The following ZNF732 variants were observed in gnomAD, a reference collection of about 807,000 sequenced individuals.
ZNF732 encodes zinc finger protein 732.
A neutral mutation model predicts 11.5 loss-of-function variants in ZNF732; 12 were observed. The ratio of observed to expected loss-of-function variants is 1.05; its 90% confidence interval spans 0.67 to 1.70. ZNF732 has a LOEUF of 1.70. ZNF732 is among the 40% of genes most tolerant of loss of function. ZNF732 has a pLI of 0.00. For missense variants in ZNF732, 702 were observed against 676.9 expected (o/e 1.04, Z -0.41); for synonymous variants, 231 against 236.5 (o/e 0.98, Z 0.21).
At chr4:292,369 C>G (rs1358523849) in intron 3 of ZNF732, among the ~76,000 whole-genome samples, 1 of 151,914 alleles carries the variant, frequency 6.6e-6, no homozygotes, top group African/African-American at 2.4e-5. Flanking sequence ...ACCAGCCTGA[C>G]CAACATGAAG....
In ZNF732 at chr4:272,573, A is replaced by G. The variant is rs1553838017; in HGVS notation, c.284T>C (p.Phe95Ser). ...FLPVQGIEDS[F>S]HKLILRRYEK... ...ATATCTTCTTAATATAAGTTTGTGG[A>G]ACGAATCTTCTATCCCCTGCACTGG... Residue 95 changes from phenylalanine (F) to serine (S), a missense_variant, in exon 4 of 4, where the codon TTC becomes TCC. Phe to Ser is a radical substitution (Grantham distance 155). Transcript: ENST00000419098. 1.3e-6 allele frequency: 2 copies of G among 1,589,506 alleles called. No homozygotes were observed. Among genetic ancestry groups the G allele is most frequent in the African/African-American group, 1.4e-5 (1 of 73,696 alleles).
intron 1 of ZNF732, among the ~76,000 whole-genome samples, chr4:299,538 T>C (rs148920552): frequency 1.6e-5 from 2 of 123,454 alleles, no homozygotes; most frequent in Non-Finnish European, 3.3e-5. Context: ...TATATACATA[T>C]ATACACATAT....
At chr4:298,073 T>A (rs571505706) in intron 1 of ZNF732, among the ~76,000 whole-genome samples, 1 of 152,328 alleles carries the variant, frequency 6.6e-6, no homozygotes, top group South Asian at 2.1e-4. Flanking sequence ...CCAAATCCCT[T>A]ATGTTTCTCT....
chr4:275,524 A>C (rs947306981), intron 3 of ZNF732, among the ~76,000 whole-genome samples: 1 of 151,734 alleles, frequency 6.6e-6, no homozygotes, highest in Non-Finnish European at 1.5e-5. Context: ...GAATTAAAGC[A>C]ATCTGGGATA....
intron 3 of ZNF732, among the ~76,000 whole-genome samples, chr4:278,624 G>A (rs964185377): frequency 1.3e-5 from 2 of 152,128 alleles, no homozygotes; most frequent in East Asian, 3.8e-4. Flanking sequence ...ATAGACAATC[G>A]CAAACACAAT....
chr4:280,559 TG>T (rs1553839595), intron 3 of ZNF732, among the ~76,000 whole-genome samples: 1 of 152,106 alleles, frequency 6.6e-6, no homozygotes, highest in East Asian at 1.9e-4. Flanking sequence ...CACTCCAGCC[TG>T]GGCAACAAGA....
chr4:296,687 T>G (rs945864730), intron 1 of ZNF732, among the ~76,000 whole-genome samples: 1 of 152,290 alleles, frequency 6.6e-6, no homozygotes, highest in Admixed American at 6.5e-5. Flanking sequence ...TCGGCCTCAC[T>G]GTAACAAAAT....
At position 283,421 on chromosome 4, in the gene ZNF732, GA is replaced by G. The variant is rs1285861811; in HGVS notation, c.227-10792del. Among the ~76,000 whole-genome samples, 10 of 148,024 alleles carry G rather than the reference GA, an allele frequency of 6.8e-5. No individual in the cohort carries two copies. In the East Asian group the frequency reaches 7.9e-4, roughly 12 times the overall value. On this transcript the variant is annotated intron_variant, in intron 3 of 3. Coordinates refer to ENST00000419098, the MANE Select transcript of ZNF732 (RefSeq NM_001137608.3). Reference sequence around the variant, plus strand: ...ATACATAGGTTAGTGGTTCAAGGATGAAAAAAAAATTCCATGCCAGTAATAA... The same window carrying G: ...ATACATAGGTTAGTGGTTCAAGGATGAAAAAAAATTCCATGCCAGTAATAA...
At chr4:282,173 C>A (rs1445568848) in intron 3 of ZNF732, among the ~76,000 whole-genome samples, 1 of 151,984 alleles carries the variant, frequency 6.6e-6, no homozygotes, top group Non-Finnish European at 1.5e-5. Context: ...GTGAATAAAG[C>A]ATATAGCTTC....
At chr4:299,861 A>C (rs1398449611) in intron 1 of ZNF732, among the ~76,000 whole-genome samples, 1 of 137,950 alleles carries the variant, frequency 7.2e-6, no homozygotes, top group Non-Finnish European at 1.5e-5. Flanking sequence ...CATGCCGGCT[A>C]ATTTTTTTTT....
At chr4:302,807 A>G (rs1476765976) in intron 1 of ZNF732, among the ~76,000 whole-genome samples, 7 of 152,230 alleles carry the variant, frequency 4.6e-5, no homozygotes, top group Non-Finnish European at 8.8e-5. Flanking sequence ...CTGTAATCCC[A>G]GCACTTTGGG....
At chr4:301,048 T>C (rs1720108239) in intron 1 of ZNF732, among the ~76,000 whole-genome samples, 1 of 152,128 alleles carries the variant, frequency 6.6e-6, no homozygotes, top group Non-Finnish European at 1.5e-5. Context: ...CATCAACAAG[T>C]GGGCGAAGGA....
intron 3 of ZNF732, among the ~76,000 whole-genome samples, chr4:276,414 A>G (rs1204240857): frequency 3.3e-5 from 5 of 151,878 alleles, no homozygotes; most frequent in African/African-American, 7.2e-5. Context: ...TCTCAGATAA[A>G]AAGTTTTCTG....
At chr4:304,626 T>C (rs1411501329) in intron 1 of ZNF732, among the ~76,000 whole-genome samples, 4 of 152,062 alleles carry the variant, frequency 2.6e-5, no homozygotes, top group Admixed American at 6.5e-5. Flanking sequence ...TCTGAACGCC[T>C]GCCTACAAAC....
chr4:301,533 C>A (rs1025965255), intron 1 of ZNF732, among the ~76,000 whole-genome samples: 5 of 152,212 alleles, frequency 3.3e-5, no homozygotes, highest in Admixed American at 6.5e-5. Flanking sequence ...GAATACTATG[C>A]AGCCATAAAA....
chr4:287,645 A>C (rs1336609953), intron 3 of ZNF732, among the ~76,000 whole-genome samples: 1 of 151,278 alleles, frequency 6.6e-6, no homozygotes, highest in Non-Finnish European at 1.5e-5. Flanking sequence ...AAAAATATAT[A>C]TATATATTTT....
chr4:298,197 T>C (rs1419036709), intron 1 of ZNF732, among the ~76,000 whole-genome samples: 1 of 152,108 alleles, frequency 6.6e-6, no homozygotes, highest in Non-Finnish European at 1.5e-5. Flanking sequence ...CACAAAACAA[T>C]AAAAGGGAAG....
At chr4:276,735 G>T (rs1335396145) in intron 3 of ZNF732, among the ~76,000 whole-genome samples, 1 of 151,698 alleles carries the variant, frequency 6.6e-6, no homozygotes, top group African/African-American at 2.4e-5. Context: ...TACTCAAGGT[G>T]ATCTATAGAT....
rs1719403009 is a variant in ZNF732, at chr4:272,350, A to G, written c.507T>C (p.Phe169=). 18 of 1,608,552 alleles carry G rather than the reference A, an allele frequency of 1.1e-5. No homozygotes were observed. The East Asian group carries it at 1.3e-4, about 12-fold the overall frequency. The change falls in exon 4 of 4, where the codon TTT becomes TTC. Residue 169 remains phenylalanine (F), a synonymous_variant. Transcript: ENST00000419098. ...TCTGAAATGACTTGCCACATTCTTT[A>G]AAGTGTTTCTCTCCAGTATGTCTTA... The part of the protein sequence containing the change: ...RRIRHTGEKH[F]KECGKSFQKF...
Sources: allele counts gnomAD v4.1 joint callset (sites outside exome capture counted in the v4.1 genomes callset), GRCh38; gene constraint gnomAD v4.1.1; transcripts MANE v1.5; gene names NCBI Gene and HGNC (gene_info 2026-07-23, HGNC 2026-07-21).